ATF2: variants seen among roughly 807,000 people sequenced by gnomAD.
ATF2 encodes cyclic AMP-dependent transcription factor ATF-2.
ATF2 carries 24 observed loss-of-function variants against 60.6 expected under a neutral mutation model. That is an observed-to-expected ratio of 0.40 (90% CI 0.29 to 0.56). The LOEUF is 0.56. ATF2 is among the 20% of genes least tolerant of loss of function. ATF2 has a pLI of 0.54. For missense variants in ATF2, 433 were observed against 607.7 expected (o/e 0.71, Z 3.02); for synonymous variants, 206 against 215.4 (o/e 0.96, Z 0.38).
intron 5 of ATF2, among the ~76,000 whole-genome samples, chr2:175,121,058 A>G (rs114243767): frequency 0.015 from 2,249 of 151,876 alleles, 26 homozygotes; most frequent in Middle Eastern, 0.054. Context: ...TCTTTCTCCA[A>G]TGGGAGAAGC....
chr2:175,162,393 G>T (rs534793716), intron 1 of ATF2, among the ~76,000 whole-genome samples: 1 of 152,154 alleles, frequency 6.6e-6, no homozygotes, highest in Non-Finnish European at 1.5e-5. Context: ...CAAAGCTAAC[G>T]CATTCATGCT....
chr2:175,130,189 C>T lies in ATF2; in HGVS notation c.51G>A (p.Trp17Ter), dbSNP rs1291506008. Residue 17 changes from tryptophan to a stop codon, truncating the protein, a stop_gained, in exon 4 of 14, where the codon TGG becomes TGA. Transcript: ENST00000264110. LOFTEE classifies it high-confidence loss of function. ...VNSARQYKDL[W>*]NMSDDKPFLC... Reference sequence around the variant, plus strand: ...GAAAGGGTTTGTCATCACTCATATTCCACAGGTCCTTGTATTGCCTATAAT... The same window carrying T: ...GAAAGGGTTTGTCATCACTCATATTTCACAGGTCCTTGTATTGCCTATAAT... 1 of 1,592,184 alleles carries T rather than the reference C, an allele frequency of 6.3e-7. No homozygotes were observed. Among genetic ancestry groups the T allele is most frequent in the Non-Finnish European group, 8.6e-7 (1 of 1,168,814 alleles).
intron 2 of ATF2, among the ~76,000 whole-genome samples, chr2:175,144,555 C>T (rs1345427372): frequency 2.0e-5 from 3 of 152,188 alleles, no homozygotes; most frequent in Non-Finnish European, 2.9e-5. Context: ...AAAAGTTAAG[C>T]CACCAGAGAA....
intron 2 of ATF2, among the ~76,000 whole-genome samples, chr2:175,142,491 T>C (rs1317576050): frequency 6.6e-6 from 1 of 152,178 alleles, no homozygotes; most frequent in Non-Finnish European, 1.5e-5. Context: ...CTAAGATAGT[T>C]CCACATACAA....
In ATF2 at chr2:175,114,334, T is replaced by A. The variant is rs985045892; in HGVS notation, c.627-226A>T. ...AAAGTTATGGATTTACTTAGGACAA[T>A]CTCCAATTTGTAAAATGAGAAAAAC... On this transcript the variant is annotated intron_variant, in intron 8 of 13. Coordinates refer to ENST00000264110, the MANE Select transcript of ATF2 (RefSeq NM_001880.4). 3 of 1,271,098 alleles carry A rather than the reference T, an allele frequency of 2.4e-6. 1 individual carries two copies. The South Asian group carries it at 7.5e-5, about 32-fold the overall frequency. 78.7% of individuals were successfully genotyped at this position (1,271,098 alleles called of 1,614,324 possible). A position where few individuals can be genotyped will look rare whatever the true frequency, so the allele number is the denominator to read the frequency against.
intron 10 of ATF2, among the ~76,000 whole-genome samples, chr2:175,105,961 A>T (rs1271198254): frequency 6.6e-6 from 1 of 152,228 alleles, no homozygotes; most frequent in Non-Finnish European, 1.5e-5. Context: ...TAGCATATCA[A>T]AATTTGTGCA....
intron 2 of ATF2, among the ~76,000 whole-genome samples, chr2:175,144,004 G>A (rs1486299044): frequency 6.6e-6 from 1 of 151,940 alleles, no homozygotes; most frequent in African/African-American, 2.4e-5. Flanking sequence ...ATGTTTCCCA[G>A]GCTGATCTTG....
intron 2 of ATF2, among the ~76,000 whole-genome samples, chr2:175,143,947 C>T (rs1375967803): frequency 6.6e-6 from 1 of 152,012 alleles, no homozygotes; most frequent in East Asian, 1.9e-4. Flanking sequence ...GTGTATACCA[C>T]CATCTCCAGC....
rs566786788 is a variant in ATF2 at position 175,107,802 on chromosome 2, C to T, written c.828+3766G>A. ...CGGGCTGGTCTCCAGCTCCTAACCG[C>T]GAGTGATCTGCCAGCCTCGGCCCCC... On this transcript the variant is annotated intron_variant, in intron 10 of 13. Transcript: ENST00000264110. Among the ~76,000 whole-genome samples, 408 of 152,342 alleles carry T rather than the reference C, an allele frequency of 2.7e-3. 2 individuals are homozygous for T. The highest frequency in any genetic ancestry group is 8.6e-3 in the African/African-American group (359 of 41,590).
intron 1 of ATF2, among the ~76,000 whole-genome samples, chr2:175,153,286 G>A (rs1201863591): frequency 6.6e-6 from 1 of 152,122 alleles, no homozygotes; most frequent in African/African-American, 2.4e-5. Flanking sequence ...TATTGTAGAC[G>A]TCTTTCTTAC....
chr2:175,107,982 C>A (rs910271505), intron 10 of ATF2, among the ~76,000 whole-genome samples: 3 of 152,172 alleles, frequency 2.0e-5, no homozygotes, highest in African/African-American at 4.8e-5. Context: ...CTCTGCCCAG[C>A]CGCCACCCCG....
At chr2:175,117,775 T>G (rs548762859) in intron 7 of ATF2, among the ~76,000 whole-genome samples, 3 of 151,998 alleles carry the variant, frequency 2.0e-5, no homozygotes, top group Non-Finnish European at 4.4e-5. Context: ...ATAAGTTTTA[T>G]GTAACATGAC....
intron 2 of ATF2, among the ~76,000 whole-genome samples, chr2:175,149,394 T>A (rs553216526): frequency 6.2e-4 from 95 of 152,330 alleles, no homozygotes; most frequent in Middle Eastern, 3.4e-3. Context: ...AAGAAAAAGT[T>A]TGTCTAACTC....
intron 1 of ATF2, among the ~76,000 whole-genome samples, chr2:175,153,111 GA>G (rs59119655): frequency 0.039 from 6,001 of 152,214 alleles, 387 homozygotes; most frequent in African/African-American, 0.14. Context: ...CAAGCAAAAA[GA>G]AATAAGATAG....
At chr2:175,098,923 T>G (rs111672283) in intron 10 of ATF2, among the ~76,000 whole-genome samples, 1 of 152,172 alleles carries the variant, frequency 6.6e-6, no homozygotes, top group Admixed American at 6.5e-5. Flanking sequence ...GAATTTCAAC[T>G]GAGGCAGTAA....
At chr2:175,108,877 A>G (rs1422576910) in intron 10 of ATF2, among the ~76,000 whole-genome samples, 2 of 152,160 alleles carry the variant, frequency 1.3e-5, no homozygotes, top group Non-Finnish European at 2.9e-5. Context: ...CTTACCCCCA[A>G]TCATGTGCTC....
intron 9 of ATF2, among the ~76,000 whole-genome samples, chr2:175,112,512 T>C (rs548426106): frequency 1.1e-4 from 17 of 152,346 alleles, no homozygotes; most frequent in Non-Finnish European, 2.4e-4. Context: ...ACATTAATCC[T>C]AGTAATATTC....
intron 11 of ATF2, among the ~76,000 whole-genome samples, chr2:175,096,931 G>A (rs1289138941): frequency 6.6e-6 from 1 of 152,106 alleles, no homozygotes; most frequent in Non-Finnish European, 1.5e-5. Flanking sequence ...AATCAAACCT[G>A]TTTATGCCAC....
chr2:175,116,653 T>C (rs1696592618), intron 7 of ATF2, among the ~76,000 whole-genome samples: 1 of 151,766 alleles, frequency 6.6e-6, no homozygotes, highest in Admixed American at 6.6e-5. Context: ...CCAGATTTTT[T>C]TTTTTTTAAA....
Sources: gnomAD v4.1 joint callset for allele counts (sites outside exome capture counted in the v4.1 genomes callset) on GRCh38, gnomAD v4.1.1 for gene constraint, MANE v1.5 for transcripts, NCBI Gene and HGNC (gene_info 2026-07-23, HGNC 2026-07-21) for gene names.